Variants in MAP2K1 observed in about 807,000 individuals in gnomAD.
MAP2K1 encodes the protein dual specificity mitogen-activated protein kinase kinase 1.
MAP2K1 carries 16 observed loss-of-function variants against 46.3 expected under a neutral mutation model. The ratio of observed to expected loss-of-function variants is 0.35; its 90% CI spans 0.23 to 0.52. The LOEUF is 0.52. Ranked by LOEUF, MAP2K1 falls within the 20% of genes least tolerant of loss-of-function variation. The probability of loss-of-function intolerance (pLI) is 0.94; values close to 1 mark genes in which losing one functional copy is unlikely to be tolerated. For synonymous variants in MAP2K1, 183 were observed against 185.6 expected, an observed-to-expected ratio of 0.99 and a Z score of 0.11; for missense variants, 263 against 497.1, an observed-to-expected ratio of 0.53 and a Z score of 4.48.
intron 1 of MAP2K1, among the ~76,000 whole-genome samples, chr15:66,405,195 G>A (rs188131327): frequency 6.7e-4 from 102 of 152,340 alleles, no homozygotes; most frequent in Middle Eastern, 3.4e-3. Context: ...GTAGAGCTAA[G>A]TTTAGACTCA....
Position 66,484,982 on chromosome 15 carries a change from T to C in MAP2K1, c.694-8T>C, listed in dbSNP as rs1160133609. 1 of 1,610,734 alleles carries C rather than the reference T, an allele frequency of 6.2e-7. No individual in the cohort carries two copies. The highest frequency in any genetic ancestry group is 8.5e-7 in the Non-Finnish European group (1 of 1,177,978). On this transcript the variant is annotated splice_polypyrimidine_tract_variant and splice_region_variant and intron_variant, in intron 6 of 10. Transcript: ENST00000307102. ...TTAGGTGATTATCACTGTCTGTCTC[T>C]CCTGCAGCCAGAAAGACTCCAGGGG...
At chr15:66,399,805 C>G (rs1478069639) in intron 1 of MAP2K1, among the ~76,000 whole-genome samples, 3 of 152,114 alleles carry the variant, frequency 2.0e-5, no homozygotes, top group African/African-American at 7.2e-5. Context: ...CCTTGTTGGC[C>G]AGGCTGGTCT....
chr15:66,452,654 G>C (rs1374356847), intron 5 of MAP2K1, among the ~76,000 whole-genome samples: 1 of 152,160 alleles, frequency 6.6e-6, no homozygotes, highest in African/African-American at 2.4e-5. Flanking sequence ...TGGAGTAAAG[G>C]CATCCCATCA....
intron 5 of MAP2K1, among the ~76,000 whole-genome samples, chr15:66,465,139 C>A (rs1361187503): frequency 6.6e-6 from 1 of 151,930 alleles, no homozygotes; most frequent in East Asian, 2.0e-4. Flanking sequence ...GCAGGAGAAT[C>A]CTTGAAACTG....
intron 1 of MAP2K1, among the ~76,000 whole-genome samples, chr15:66,395,573 A>T (rs1288634046): frequency 9.1e-5 from 9 of 98,574 alleles, no homozygotes; most frequent in South Asian, 3.7e-4. Flanking sequence ...TTCTTGCATG[A>T]TTTTTTTTTT....
intron 5 of MAP2K1, among the ~76,000 whole-genome samples, chr15:66,458,954 AGAG>A (rs749867603): frequency 8.5e-5 from 13 of 152,128 alleles, no homozygotes; most frequent in Non-Finnish European, 1.6e-4. Flanking sequence ...TCCCTAGGTT[AGAG>A]AGTTATGTAA....
At chr15:66,487,152 C>T in intron 7 of MAP2K1, 76 bp from the exon 8 acceptor site, 3 of 1,235,442 alleles carry the variant, frequency 2.4e-6, no homozygotes, top group Non-Finnish European at 3.6e-6. Flanking sequence ...CCCAGGGATC[C>T]ATGCCCAACC....
intron 7 of MAP2K1, among the ~76,000 whole-genome samples, chr15:66,486,807 GCTGTGGCCTCTGAGGCTCGCCAGTGA>G (rs906534189): frequency 6.6e-6 from 1 of 152,212 alleles, no homozygotes; most frequent in Non-Finnish European, 1.5e-5. Flanking sequence ...GGGGCTGGTG[GCTGTGGCCTCTGAGGCTCGCCAGTGA>G]CTCTAGGAGA....
chr15:66,435,782 T>C (rs893654116), intron 2 of MAP2K1, among the ~76,000 whole-genome samples: 2 of 152,250 alleles, frequency 1.3e-5, no homozygotes, highest in African/African-American at 4.8e-5. Flanking sequence ...CCAGGATACC[T>C]GTTTATTACT....
Position 66,444,671 on chromosome 15 carries a change from A to G in MAP2K1, c.532A>G (p.Thr178Ala). Residue 178 changes from threonine (T) to alanine (A), a missense_variant, in exon 5 of 11, where the codon ACA becomes GCA. Thr to Ala is a moderately conservative substitution (Grantham distance 58). Coordinates refer to ENST00000307102, the MANE Select transcript of MAP2K1 (RefSeq NM_002755.4). Reference sequence around the variant, plus strand: ...TTTCCTCTAGGTAATAAAAGGCCTGACATATCTGAGGGAGAAGCACAAGAT... The same window carrying G: ...TTTCCTCTAGGTAATAAAAGGCCTGGCATATCTGAGGGAGAAGCACAAGAT... ...KVSIAVIKGL[T>A]YLREKHKIMH... 1 of 1,611,794 alleles carries G rather than the reference A, an allele frequency of 6.2e-7. No individual in the cohort carries two copies. Among genetic ancestry groups the G allele is most frequent in the South Asian group, 1.1e-5 (1 of 91,022 alleles).
intron 1 of MAP2K1, chr15:66,402,004 A>G: frequency 7.5e-7 from 1 of 1,334,826 alleles, no homozygotes; most frequent in South Asian, 1.2e-5. Context: ...TCACATGCAA[A>G]TTTTTCTTCC....
intron 10 of MAP2K1, chr15:66,489,995 G>A (rs1245433124): frequency 3.3e-6 from 2 of 600,932 alleles, no homozygotes; most frequent in East Asian, 2.8e-5. Context: ...AAATGCCTGA[G>A]GGGGCCATGG....
Position 66,386,963 on chromosome 15 carries a change from C to T in MAP2K1, c.-385C>T, listed in dbSNP as rs968176753. On this transcript the variant is annotated 5_prime_UTR_variant, in exon 1 of 11. Transcript: ENST00000307102. ...GCGGCTAGGAGCACGGCGGCGGCGG[C>T]ACTTTCCCCGGCAGGAGCTGGAGCT... The T allele has an allele frequency of 5.0e-5, 13 of 262,488 alleles. No homozygotes were observed. The highest frequency in any genetic ancestry group is 2.2e-4 in the Admixed American group (4 of 18,250). 16.3% of individuals were successfully genotyped at this position (262,488 alleles called of 1,614,324 possible). A position where few individuals can be genotyped will look rare whatever the true frequency, so the allele number is the denominator to read the frequency against.
intron 1 of MAP2K1, among the ~76,000 whole-genome samples, chr15:66,423,715 CT>C (rs2093449663): frequency 1.4e-5 from 2 of 145,388 alleles, no homozygotes; most frequent in African/African-American, 5.1e-5. Context: ...TCAAGTGTTT[CT>C]TCTGCCTCAG....
At chr15:66,443,512 A>G (rs533592673) in intron 4 of MAP2K1, among the ~76,000 whole-genome samples, 155 bp downstream of exon 4, 20 of 152,262 alleles carry the variant, frequency 1.3e-4, no homozygotes, top group Non-Finnish European at 2.8e-4. Flanking sequence ...TCTGGAGTCT[A>G]TATACACTAT....
At chr15:66,403,496 A>G (rs2093387582) in intron 1 of MAP2K1, among the ~76,000 whole-genome samples, 1 of 152,164 alleles carries the variant, frequency 6.6e-6, no homozygotes, top group African/African-American at 2.4e-5. Context: ...ATAACCGCAG[A>G]CGAAAGTCCC....
chr15:66,426,359 A>AC (rs1233387709), intron 1 of MAP2K1, among the ~76,000 whole-genome samples: 7 of 57,414 alleles, frequency 1.2e-4, no homozygotes, highest in Admixed American at 6.4e-4. Flanking sequence ...CATCAAGAAG[A>AC]CAAAAAAAAA....
At chr15:66,442,203 C>A (rs1359888534) in intron 3 of MAP2K1, among the ~76,000 whole-genome samples, 1 of 152,170 alleles carries the variant, frequency 6.6e-6, no homozygotes, top group African/African-American at 2.4e-5. Context: ...TGATTCTCAT[C>A]TTTAAACACT....
intron 4 of MAP2K1, among the ~76,000 whole-genome samples, chr15:66,443,823 G>A (rs1042219023): frequency 6.6e-6 from 1 of 152,222 alleles, no homozygotes; most frequent in Non-Finnish European, 1.5e-5. Flanking sequence ...ATCCATGATT[G>A]TGCCATTGCA....
Sources: gnomAD v4.1 joint callset for allele counts (sites outside exome capture counted in the v4.1 genomes callset) on GRCh38, gnomAD v4.1.1 for gene constraint, MANE v1.5 for transcripts, NCBI Gene and HGNC (gene_info 2026-07-23, HGNC 2026-07-21) for gene names.